EME2: variants seen among roughly 807,000 people sequenced by gnomAD.
The protein encoded by EME2 is essential meiotic structure-specific endonuclease subunit 2.
In EME2, 58 loss-of-function variants were observed where a neutral mutation model predicts 41.9. That is an observed-to-expected ratio of 1.38 (90% CI 1.12 to 1.72). The LOEUF (loss-of-function observed/expected upper bound fraction) is 1.72, where lower values mean the gene tolerates loss of function less well. Among genes scored for constraint, EME2 ranks in the 40% most tolerant of loss-of-function variants. The pLI, the probability that EME2 is intolerant of heterozygous loss-of-function variation, is 0.00. For synonymous variants in EME2, 334 were observed against 239.3 expected, an observed-to-expected ratio of 1.40 and a Z score of -3.65; for missense variants, 695 against 541.9, an observed-to-expected ratio of 1.28 and a Z score of -2.81.
At chr16:1,773,862 G>A in intron 2 of EME2, 21 bp downstream of exon 2, 3 of 1,525,190 alleles carry the variant, frequency 2.0e-6, no homozygotes, top group Non-Finnish European at 2.6e-6. Context: ...GCGGGTTCCC[G>A]AGGGCCAGCC....
chr16:1,773,575 T>C, intron 1 of EME2, 101 bp downstream of exon 1: 1 of 1,517,456 alleles, frequency 6.6e-7, no homozygotes, highest in East Asian at 2.5e-5. Flanking sequence ...CCGAGGGGCC[T>C]GGGGCCGGGC....
Position 1,777,465 on chromosome 16 carries a change from T to C in EME2, c.*1227T>C. 1 of 1,476,130 alleles carries C rather than the reference T, an allele frequency of 6.8e-7. No homozygotes were observed. Among genetic ancestry groups the C allele is most frequent in the Non-Finnish European group, 9.0e-7 (1 of 1,114,720 alleles). The allele number at this position is 1,476,130 out of a possible 1,614,324, so 91.4% of individuals were successfully genotyped here. ...ACACCTGGAAGGGAGGGGCCCAGCC[T>C]GAACCCCAGGCAGGGAAGGGGCCAG... On this transcript the variant is annotated 3_prime_UTR_variant, in exon 8 of 8. Coordinates refer to ENST00000568449, the MANE Select transcript of EME2 (RefSeq NM_001257370.2).
chr16:1,773,529 G>T, intron 1 of EME2, 55 bp downstream of exon 1: 1 of 1,544,290 alleles, frequency 6.5e-7, no homozygotes, highest in Admixed American at 2.0e-5. Flanking sequence ...TCTCCGCCAG[G>T]CGGCGCCCTC....
chr16:1,781,595 G>A lies in EME2; in HGVS notation c.*5357G>A, dbSNP rs1896714614. 7.5e-7 allele frequency: 1 copy of A among 1,333,844 alleles called. No homozygotes were observed. 82.6% of individuals were successfully genotyped at this position (1,333,844 alleles called of 1,614,324 possible). ...GGACCCACTCAAAGTGGGGACTGCA[G>A]GGGCCGCACCGGTGCCCAGCCAGGG... On this transcript the variant is annotated 3_prime_UTR_variant, in exon 8 of 8. Coordinates refer to ENST00000568449, the MANE Select transcript of EME2 (RefSeq NM_001257370.2).
chr16:1,773,723 G>A lies in EME2; in HGVS notation c.266G>A (p.Gly89Asp), dbSNP rs765401210. Reference protein sequence around the residue: ...CVDTAILEDAGADVLMEALEA... With the variant: ...CVDTAILEDADADVLMEALEA... ...GTCCCAGCCATCCTGGAAGACGCCG[G>A]TGCCGACGTCCTGATGGAGGCCCTG... The change falls in exon 2 of 8, where the codon GGT (glycine) becomes GAT (aspartate). Residue 89 changes from glycine (G) to aspartate (D), a missense_variant. Coordinates refer to ENST00000568449, the MANE Select transcript of EME2 (RefSeq NM_001257370.2). 2 of 1,548,952 alleles carry A rather than the reference G, an allele frequency of 1.3e-6. No homozygotes were observed. The highest frequency in any genetic ancestry group is 2.4e-5 in the South Asian group (2 of 84,058).
In EME2 at chr16:1,776,227, C is replaced by A. The variant is rs143305780; in HGVS notation, c.1129C>A (p.Leu377Met). ...AGCCAACCCTGATCTCCTGCTGGACCTGGGCTCCTGACCACACGTGGGACC... is the reference window on the plus strand; with the variant it reads ...AGCCAACCCTGATCTCCTGCTGGACATGGGCTCCTGACCACACGTGGGACC... ...TTANPDLLLD[L>M]GS Residue 377 changes from leucine to methionine, a missense_variant, in exon 8 of 8, where the codon CTG (leucine) becomes ATG (methionine). Physicochemically the swap from Leu to Met is conservative, Grantham distance 15 (BLOSUM62 2). Transcript: ENST00000568449. The A allele has an allele frequency of 7.1e-4, 1,145 of 1,612,482 alleles. 15 individuals are homozygous for A. The South Asian group carries it at 0.012, about 17-fold the overall frequency.
At position 1,777,875 on chromosome 16, in the gene EME2, G is replaced by A. The variant is rs984569417; in HGVS notation, c.*1637G>A. The A allele has an allele frequency of 1.9e-6, 3 of 1,612,130 alleles. No homozygotes were observed. The East Asian group carries it at 6.7e-5, about 36-fold the overall frequency. ...GTCGCCCTTGTGGTGGAGGAGGCCT[G>A]GGGGCAGCCAGGGTCGCAGTGAGCC... On this transcript the variant is annotated 3_prime_UTR_variant, in exon 8 of 8. Coordinates refer to ENST00000568449, the MANE Select transcript of EME2 (RefSeq NM_001257370.2).
At chr16:1,775,484 C>T (rs1242968773) in intron 5 of EME2, 76 bp downstream of exon 5, 2 of 1,596,410 alleles carry the variant, frequency 1.3e-6, no homozygotes, top group Non-Finnish European at 1.7e-6. Flanking sequence ...GTTTGGTTCC[C>T]AGCGTGGTAC....
Position 1,774,353 on chromosome 16 carries a change from G to T in EME2, c.477+1G>T, listed in dbSNP as rs1285751658. 1.9e-6 allele frequency: 3 copies of T among 1,612,374 alleles called. No individual in the cohort carries two copies. Among genetic ancestry groups the T allele is most frequent in the Non-Finnish European group, 2.5e-6 (3 of 1,179,618 alleles). Reference sequence around the variant, plus strand: ...GCAGGGCGTCGCCACACTGACCCAGGTGCTCGGGTGGTGGCAGTAGTCCCT... The same window carrying T: ...GCAGGGCGTCGCCACACTGACCCAGTTGCTCGGGTGGTGGCAGTAGTCCCT... On this transcript the variant is annotated splice_donor_variant, in intron 3 of 7. Transcript: ENST00000568449. LOFTEE classifies it high-confidence loss of function.
Position 1,775,320 on chromosome 16 carries a change from G to C in EME2, c.575G>C (p.Arg192Pro). The C allele has an allele frequency of 1.9e-6, 3 of 1,609,906 alleles. No individual in the cohort carries two copies. Among genetic ancestry groups the C allele is most frequent in the Non-Finnish European group, 2.5e-6 (3 of 1,179,976 alleles). Residue 192 changes from arginine to proline, a missense_variant, in exon 5 of 8, where the codon CGC becomes CCC. Arg to Pro is a moderately radical substitution (Grantham distance 103). Transcript: ENST00000568449. ...VIGLDAYLWS[R>P]QHVSRGTQQP... ...GAATGGTCACCTCTGCTCAGGTCTC[G>C]CCAGCACGTTTCCCGGGGGACACAG...
chr16:1,773,332 C>A lies in EME2; in HGVS notation c.105C>A (p.Asp35Glu). 6.6e-7 allele frequency: 1 copy of A among 1,515,552 alleles called. No homozygotes were observed. The highest frequency in any genetic ancestry group is 8.8e-7 in the Non-Finnish European group (1 of 1,141,396). The allele number at this position is 1,515,552 out of a possible 1,614,324, so 93.9% of individuals were successfully genotyped here. A position where few individuals can be genotyped will look rare whatever the true frequency, so the allele number is the denominator to read the frequency against. The change falls in exon 1 of 8, where the codon GAC (aspartate) becomes GAA (glutamate). Residue 35 changes from aspartate (D) to glutamate (E), a missense_variant. Coordinates refer to ENST00000568449, the MANE Select transcript of EME2 (RefSeq NM_001257370.2). ...GACCTCCAACCTGGGAGATCTCAGA[C>A]TCCGACGCTGAGGACTCCGCCGGCT... ...QRRPPTWEIS[D>E]SDAEDSAGSE...
chr16:1,777,767 A>T lies in EME2; in HGVS notation c.*1529A>T. On this transcript the variant is annotated 3_prime_UTR_variant, in exon 8 of 8. Coordinates refer to ENST00000568449, the MANE Select transcript of EME2 (RefSeq NM_001257370.2). ...CTCACCTATACACTTCCTGTTCTTG[A>T]AAAAGGTGAGTGTGCCGTGCCAGGT... is the stretch of plus-strand genomic sequence containing the variant. 1 of 1,612,590 alleles carries T rather than the reference A, an allele frequency of 6.2e-7. No homozygotes were observed. Among genetic ancestry groups the T allele is most frequent in the Non-Finnish European group, 8.5e-7 (1 of 1,179,894 alleles).
rs2042751607 is a variant in EME2 at position 1,778,683 on chromosome 16, T to G, written c.*2445T>G. On this transcript the variant is annotated 3_prime_UTR_variant, in exon 8 of 8. Transcript: ENST00000568449. The stretch of plus-strand genomic sequence containing the variant: ...CCCTCTCACCCTTGCCCTCTGTCCC[T>G]GTCCCACCCTGTCCCTGACCCACCC... 1 of 1,471,204 alleles carries G rather than the reference T, an allele frequency of 6.8e-7. No homozygotes were observed. Among genetic ancestry groups the G allele is most frequent in the African/African-American group, 1.4e-5 (1 of 70,934 alleles). 91.1% of individuals were successfully genotyped at this position (1,471,204 alleles called of 1,614,324 possible).
Position 1,780,339 on chromosome 16 carries a change from T to A in EME2, c.*4101T>A, listed in dbSNP as rs1896669131. On this transcript the variant is annotated 3_prime_UTR_variant, in exon 8 of 8. Transcript: ENST00000568449. The stretch of plus-strand genomic sequence containing the variant: ...CCGAGGGAGATCTCAGGAAACCGAC[T>A]GGGAAATCACCCCCCACAGGGACCC... 1 of 151,934 alleles carries A rather than the reference T, an allele frequency of 6.6e-6. No homozygotes were observed. The highest frequency in any genetic ancestry group is 1.9e-4 in the East Asian group (1 of 5,146). 9.4% of individuals were successfully genotyped at this position (151,934 alleles called of 1,614,324 possible). A position where few individuals can be genotyped will look rare whatever the true frequency, so the allele number is the denominator to read the frequency against.
At chr16:1,774,383 A>C (rs770949907) in intron 3 of EME2, 31 bp downstream of exon 3, 5 of 1,584,522 alleles carry the variant, frequency 3.2e-6, no homozygotes, top group Non-Finnish European at 4.3e-6. Context: ...GTCCCTCTCT[A>C]ATCAGGAGGG....
In EME2 at chr16:1,778,097, A is replaced by G. The variant is rs757071950; in HGVS notation, c.*1859A>G. On this transcript the variant is annotated 3_prime_UTR_variant, in exon 8 of 8. Coordinates refer to ENST00000568449, the MANE Select transcript of EME2 (RefSeq NM_001257370.2). ...GGCGCGGGGCTGGGCTGCCGGAGCCAGGTTCCCCAGAAGCACCCTGGGCCG... is the reference window on the plus strand; with the variant it reads ...GGCGCGGGGCTGGGCTGCCGGAGCCGGGTTCCCCAGAAGCACCCTGGGCCG... The G allele has an allele frequency of 8.4e-5, 136 of 1,612,820 alleles. No homozygotes were observed. Among genetic ancestry groups the G allele is most frequent in the Non-Finnish European group, 1.1e-4 (131 of 1,179,936 alleles).
At position 1,779,008 on chromosome 16, in the gene EME2, C is replaced by A; in HGVS notation, c.*2770C>A. ...ACCCCCACACCAGGCCCAGCTGCAG[C>A]CACCCGGCCTCAGGGCAGTCCCCAC... On this transcript the variant is annotated 3_prime_UTR_variant, in exon 8 of 8. Coordinates refer to ENST00000568449, the MANE Select transcript of EME2 (RefSeq NM_001257370.2). The A allele has an allele frequency of 5.4e-6, 1 of 183,862 alleles. No individual in the cohort carries two copies. 11.4% of individuals were successfully genotyped at this position (183,862 alleles called of 1,614,324 possible). A position where few individuals can be genotyped will look rare whatever the true frequency, so the allele number is the denominator to read the frequency against.
rs2042655414 is a variant in EME2 at position 1,773,305 on chromosome 16, GC to G, written c.79del (p.Arg27AspfsTer47). 1 of 1,495,950 alleles carries G rather than the reference GC, an allele frequency of 6.7e-7. No individual in the cohort carries two copies. Among genetic ancestry groups the G allele is most frequent in the African/African-American group, 1.4e-5 (1 of 68,974 alleles). The allele number at this position is 1,495,950 out of a possible 1,614,324, so 92.7% of individuals were successfully genotyped here. A position where few individuals can be genotyped will look rare whatever the true frequency, so the allele number is the denominator to read the frequency against. On this transcript the variant is annotated frameshift_variant, in exon 1 of 8. Coordinates refer to ENST00000568449, the MANE Select transcript of EME2 (RefSeq NM_001257370.2). LOFTEE classifies it high-confidence loss of function. ...GGGGACGGGGCGGGAGCGGTCAGCG[GC>G]GACCTCCAACCTGGGAGATCTCAGA... ...GRGRGGSGQR[R>X]PPTWEISDSD... is the part of the protein sequence containing the mutation.
chr16:1,778,586 C>A lies in EME2; in HGVS notation c.*2348C>A. 6.3e-7 allele frequency: 1 copy of A among 1,582,230 alleles called. No individual in the cohort carries two copies. Among genetic ancestry groups the A allele is most frequent in the Non-Finnish European group, 8.6e-7 (1 of 1,160,264 alleles). On this transcript the variant is annotated 3_prime_UTR_variant, in exon 8 of 8. Coordinates refer to ENST00000568449, the MANE Select transcript of EME2 (RefSeq NM_001257370.2). ...GGATGGATGGCGGCAGCGTGGAGTACTCGGGGTCGGAGTCCGAGTCGCTGT... is the reference window on the plus strand; with the variant it reads ...GGATGGATGGCGGCAGCGTGGAGTAATCGGGGTCGGAGTCCGAGTCGCTGT...
Sources: gnomAD v4.1 joint callset for allele counts on GRCh38, gnomAD v4.1.1 for gene constraint, MANE v1.5 for transcripts, NCBI Gene and HGNC (gene_info 2026-07-23, HGNC 2026-07-21) for gene names.